The following IL1RAPL1 variants were observed in gnomAD, a reference collection of about 807,000 sequenced individuals.
IL1RAPL1 encodes the protein interleukin-1 receptor accessory protein-like 1.
IL1RAPL1 carries 3 observed loss-of-function variants against 48.4 expected under a neutral mutation model. That is an observed-to-expected ratio of 0.06 (90% CI 0.03 to 0.16). The LOEUF (loss-of-function observed/expected upper bound fraction) is 0.16. Ranked by LOEUF, IL1RAPL1 falls within the 10% of genes least tolerant of loss-of-function variation. IL1RAPL1 has a pLI of 1.00. For synonymous variants in IL1RAPL1, 185 were observed against 187.7 expected (o/e 0.99, Z 0.12); for missense variants, 349 against 530.6 (o/e 0.66, Z 3.36).
At chrX:29,515,027 G>A (rs999897826) in intron 5 of IL1RAPL1, among the ~76,000 whole-genome samples, 1 of 112,322 alleles carries the variant, frequency 8.9e-6, no homozygotes, top group Non-Finnish European at 1.9e-5. Context: ...AACATTTCCT[G>A]TTCTAGTCAT....
At chrX:29,884,444 C>G (rs1225716437) in intron 6 of IL1RAPL1, among the ~76,000 whole-genome samples, 3 of 110,437 alleles carry the variant, frequency 2.7e-5, no homozygotes, top group Non-Finnish European at 5.7e-5. Flanking sequence ...TAGTTTCCCT[C>G]CCACCATTCT....
intron 8 of IL1RAPL1, among the ~76,000 whole-genome samples, chrX:29,925,412 GTTTTTTTTTTTT>G (rs763481708): frequency 6.1e-4 from 7 of 11,465 alleles, no homozygotes; most frequent in East Asian, 2.4e-3. Flanking sequence ...TCCCGTAACT[GTTTTTTTTTTTT>G]TTTTTTTTTT....
At chrX:29,714,532 T>G (rs771554541) in intron 6 of IL1RAPL1, among the ~76,000 whole-genome samples, 3 of 112,343 alleles carry the variant, frequency 2.7e-5, no homozygotes, top group Non-Finnish European at 5.6e-5. Context: ...TTGTGTTAAC[T>G]CTCAGCTCTA....
chrX:29,657,698 TAGAA>T (rs944334342), intron 5 of IL1RAPL1, among the ~76,000 whole-genome samples: 1 of 111,453 alleles, frequency 9.0e-6, no homozygotes, highest in Admixed American at 9.6e-5. Context: ...TATCTGCTAA[TAGAA>T]AGAAGAAAAA....
At chrX:28,815,064 T>C (rs1936846369) in intron 2 of IL1RAPL1, among the ~76,000 whole-genome samples, 1 of 110,601 alleles carries the variant, frequency 9.0e-6, no homozygotes, top group African/African-American at 3.3e-5. Context: ...TTATTAAAAT[T>C]AGCAGTTATA....
intron 5 of IL1RAPL1, among the ~76,000 whole-genome samples, chrX:29,594,146 G>C (rs1006641721): frequency 8.9e-6 from 1 of 112,417 alleles, no homozygotes; most frequent in Non-Finnish European, 1.9e-5. Flanking sequence ...AGAGAACAGA[G>C]AATCTGGCTT....
intron 2 of IL1RAPL1, among the ~76,000 whole-genome samples, chrX:29,154,537 C>CAAA (rs1172822799): frequency 1.1e-5 from 1 of 95,094 alleles, no homozygotes; most frequent in African/African-American, 3.8e-5. Flanking sequence ...GAGACTGTCT[C>CAAA]AAAAAAAAAA....
At chrX:29,165,439 T>TG (rs1278532453) in intron 2 of IL1RAPL1, among the ~76,000 whole-genome samples, 2 of 112,549 alleles carry the variant, frequency 1.8e-5, no homozygotes, top group Admixed American at 1.9e-4. Context: ...TAGTTACTCA[T>TG]GCTGCTATAC....
intron 5 of IL1RAPL1, among the ~76,000 whole-genome samples, chrX:29,526,775 TAGAA>T (rs1363244804): frequency 1.8e-5 from 2 of 111,945 alleles, no homozygotes; most frequent in East Asian, 2.8e-4. Flanking sequence ...CTTGAACAAA[TAGAA>T]AGACATTCCT....
intron 5 of IL1RAPL1, among the ~76,000 whole-genome samples, chrX:29,411,957 A>G (rs2147698462): frequency 1.8e-5 from 2 of 111,652 alleles, no homozygotes; most frequent in South Asian, 3.8e-4. Context: ...AAGCTGTTCA[A>G]TAAATATCCC....
intron 2 of IL1RAPL1, among the ~76,000 whole-genome samples, chrX:29,091,765 AC>A (rs1928096550): frequency 9.0e-6 from 1 of 111,320 alleles, no homozygotes; most frequent in African/African-American, 3.3e-5. Context: ...AAGTGCCATA[AC>A]CTAAAAACAA....
intron 3 of IL1RAPL1, among the ~76,000 whole-genome samples, chrX:29,346,639 G>T (rs772046276): frequency 1.2e-4 from 14 of 112,617 alleles, no homozygotes; most frequent in African/African-American, 4.5e-4. Context: ...ATTTGTGCTT[G>T]TTAAATAAAA....
chrX:28,903,229 C>A (rs776491699), intron 2 of IL1RAPL1, among the ~76,000 whole-genome samples: 1 of 110,541 alleles, frequency 9.0e-6, no homozygotes, highest in East Asian at 2.9e-4. Flanking sequence ...AAGTGATTCT[C>A]CTGCCTCATC....
At chrX:29,306,257 G>T (rs368422913) in intron 3 of IL1RAPL1, among the ~76,000 whole-genome samples, 7 of 111,873 alleles carry the variant, frequency 6.3e-5, no homozygotes, top group Non-Finnish European at 9.4e-5. Flanking sequence ...GGGGCCGGGC[G>T]CGGTGGCTCA....
At chrX:29,053,665 T>C (rs1460417122) in intron 2 of IL1RAPL1, among the ~76,000 whole-genome samples, 1 of 112,123 alleles carries the variant, frequency 8.9e-6, no homozygotes, top group East Asian at 2.8e-4. Flanking sequence ...CAGAATGGTA[T>C]TGCCTAGGTT....
chrX:29,569,463 A>AT (rs1569340961), intron 5 of IL1RAPL1, among the ~76,000 whole-genome samples: 1 of 111,310 alleles, frequency 9.0e-6, no homozygotes, highest in African/African-American at 3.3e-5. Flanking sequence ...AATGCCTTAT[A>AT]TTTTTTGAGT....
At chrX:28,850,428 G>A (rs934782454) in intron 2 of IL1RAPL1, among the ~76,000 whole-genome samples, 1 of 107,678 alleles carries the variant, frequency 9.3e-6, no homozygotes, top group African/African-American at 3.5e-5. Flanking sequence ...GTACTAAAAC[G>A]GGCCCATTGC....
chrX:28,719,998 A>C (rs1262450297), intron 1 of IL1RAPL1, among the ~76,000 whole-genome samples: 1 of 111,151 alleles, frequency 9.0e-6, no homozygotes, highest in Non-Finnish European at 1.9e-5. Context: ...TTCTACTTGG[A>C]AAATATGATG....
chrX:29,628,296 A>T (rs1391111585), intron 5 of IL1RAPL1, among the ~76,000 whole-genome samples: 4 of 111,987 alleles, frequency 3.6e-5, no homozygotes, highest in African/African-American at 1.3e-4. Context: ...TGGACAGGAG[A>T]TATTAATAGG....
Sources: allele counts gnomAD v4.1 joint callset (sites outside exome capture counted in the v4.1 genomes callset), GRCh38; gene constraint gnomAD v4.1.1; transcripts MANE v1.5; gene names NCBI Gene and HGNC (gene_info 2026-07-23, HGNC 2026-07-21).